LINGO2: variants seen among roughly 807,000 people sequenced by gnomAD.
The protein encoded by LINGO2 is leucine rich repeat and Ig domain containing 2, also known as leucine-rich repeat and immunoglobulin-like domain-containing nogo receptor-interacting protein 2.
LINGO2 carries 14 observed loss-of-function variants against 30.6 expected under a neutral mutation model. The observed-to-expected ratio is 0.46, with a 90% CI of 0.30 to 0.72. The LOEUF (loss-of-function observed/expected upper bound fraction) is 0.72, where lower values mean the gene tolerates loss of function less well. Ranked by LOEUF, LINGO2 falls within the 30% of genes least tolerant of loss-of-function variation. The pLI, the probability that LINGO2 is intolerant of heterozygous loss-of-function variation, is 0.07. For synonymous variants in LINGO2, 317 were observed against 288.5 expected (o/e 1.10, Z -1.00); for missense variants, 729 against 751.7 (o/e 0.97, Z 0.35).
chr9:28,551,843 C>G, intron 1 of LINGO2, among the ~76,000 whole-genome samples: 1 of 152,012 alleles, frequency 6.6e-6, no homozygotes, highest in East Asian at 1.9e-4. Flanking sequence ...TGTCCTCAGC[C>G]TCTCATCATT....
At chr9:28,782,949 C>G in the LINGO2 span, among the ~76,000 whole-genome samples, 1 of 152,132 alleles carries the variant, frequency 6.6e-6, no homozygotes, top group Non-Finnish European at 1.5e-5. Context: ...CAAACCTGTA[C>G]AGGGTGTTAC....
intron 1 of LINGO2, among the ~76,000 whole-genome samples, chr9:28,526,239 GT>G (rs956506513): frequency 6.6e-6 from 1 of 151,920 alleles, no homozygotes; most frequent in Non-Finnish European, 1.5e-5. Flanking sequence ...ATCAAGACAC[GT>G]CCTAATAAAA....
chr9:28,560,336 T>C (rs1822981313), intron 1 of LINGO2, among the ~76,000 whole-genome samples: 1 of 152,022 alleles, frequency 6.6e-6, no homozygotes, highest in Non-Finnish European at 1.5e-5. Context: ...ATCTAATCAG[T>C]TGAAGGATTA....
chr9:29,189,306 C>T, the LINGO2 span, among the ~76,000 whole-genome samples: 1 of 151,376 alleles, frequency 6.6e-6, no homozygotes, highest in Non-Finnish European at 1.5e-5. Context: ...GGGGTGGCTG[C>T]CGGGCGGAGA....
chr9:28,673,656 G>A (rs1358886668), upstream of LINGO2, among the ~76,000 whole-genome samples: 1 of 142,992 alleles, frequency 7.0e-6, no homozygotes, highest in African/African-American at 2.6e-5. Flanking sequence ...AACAGAGTGA[G>A]ACTCTGTCTC....
At chr9:28,106,690 T>A (rs917261142) in intron 4 of LINGO2, among the ~76,000 whole-genome samples, 2 of 152,144 alleles carry the variant, frequency 1.3e-5, no homozygotes, top group Non-Finnish European at 1.5e-5. Context: ...CCACAGTGTT[T>A]TAAAATCCTA....
intron 1 of LINGO2, among the ~76,000 whole-genome samples, chr9:28,503,845 A>G (rs1819991589): frequency 6.6e-6 from 1 of 151,884 alleles, no homozygotes; most frequent in Admixed American, 6.6e-5. Context: ...AAATCAGAGA[A>G]AAAAGATACG....
chr9:28,265,194 C>T (rs1310632802), intron 4 of LINGO2, among the ~76,000 whole-genome samples: 7 of 151,884 alleles, frequency 4.6e-5, no homozygotes, highest in Admixed American at 4.6e-4. Flanking sequence ...CACACGCACA[C>T]ACTCATATAT....
the LINGO2 span, among the ~76,000 whole-genome samples, chr9:28,762,799 C>T: frequency 4.6e-5 from 7 of 151,932 alleles, no homozygotes; most frequent in African/African-American, 1.5e-4. Context: ...CCTTCCTTGC[C>T]CCAATACCTT....
Position 28,130,197 on chromosome 9 carries a change from C to A in LINGO2, c.-86-117792G>T, listed in dbSNP as rs914893590. On this transcript the variant is annotated intron_variant, in intron 4 of 5. Coordinates refer to ENST00000379992, the Ensembl canonical transcript of LINGO2. This position sits in a 1 kb window ranked among gnomAD's most constrained non-coding sequence, Gnocchi z 5.2. ...TTAACCACTGGTTTGAACTCTAGAC[C>A]CTCTAAAATAGACCTTAACACACTT... Among the ~76,000 whole-genome samples the A allele has an allele frequency of 2.0e-5, 3 of 152,098 alleles. No homozygotes were observed. Among genetic ancestry groups the A allele is most frequent in the Admixed American group, 6.5e-5 (1 of 15,284 alleles).
At chr9:28,718,853 T>C in the LINGO2 span, among the ~76,000 whole-genome samples, 1 of 151,986 alleles carries the variant, frequency 6.6e-6, no homozygotes, top group Non-Finnish European at 1.5e-5. Context: ...CCTGAAAAAA[T>C]TAAATAGTAG....
chr9:28,679,210 A>G, the LINGO2 span, among the ~76,000 whole-genome samples: 1 of 152,070 alleles, frequency 6.6e-6, no homozygotes, highest in African/African-American at 2.4e-5. Context: ...ACTTTCAGAA[A>G]AAAAATTCTA....
At chr9:28,740,173 G>A in the LINGO2 span, among the ~76,000 whole-genome samples, 6 of 151,568 alleles carry the variant, frequency 4.0e-5, no homozygotes, top group Admixed American at 1.3e-4. Flanking sequence ...TTATGGACTA[G>A]TGTATGATCA....
chr9:28,198,249 G>GA (rs11452546), intron 4 of LINGO2, among the ~76,000 whole-genome samples: 49,563 of 144,956 alleles, frequency 0.34, 9,329 homozygotes, highest in East Asian at 0.49. Flanking sequence ...GGACAAATAT[G>GA]AAAAAAAAAA....
chr9:28,357,718 T>C (rs1053587885), intron 3 of LINGO2, among the ~76,000 whole-genome samples: 3 of 152,142 alleles, frequency 2.0e-5, no homozygotes, highest in Non-Finnish European at 4.4e-5. Flanking sequence ...TTCTATAGAA[T>C]CACTAACAGG....
chr9:28,163,950 T>C (rs1462894139), intron 4 of LINGO2, among the ~76,000 whole-genome samples: 1 of 152,180 alleles, frequency 6.6e-6, no homozygotes, highest in Non-Finnish European at 1.5e-5. Context: ...GTAACATTGA[T>C]CAAGATGTAA....
chr9:28,707,680 A>G, the LINGO2 span, among the ~76,000 whole-genome samples: 2 of 152,070 alleles, frequency 1.3e-5, no homozygotes, highest in Admixed American at 6.6e-5. Flanking sequence ...ACTCTCCCCA[A>G]TCATGAGATG....
chr9:28,928,585 C>T, the LINGO2 span, among the ~76,000 whole-genome samples: 1 of 152,044 alleles, frequency 6.6e-6, no homozygotes, highest in Admixed American at 6.6e-5. Flanking sequence ...CATTTCCCTG[C>T]TAAATGAAAC....
intron 1 of LINGO2, among the ~76,000 whole-genome samples, chr9:28,662,433 C>T (rs1828619286): frequency 6.6e-6 from 1 of 152,242 alleles, no homozygotes; most frequent in East Asian, 1.9e-4. Context: ...CCTTTACAGT[C>T]CCACCTCCTC....
Sources: gnomAD v4.1 joint callset for allele counts (sites outside exome capture counted in the v4.1 genomes callset) on GRCh38, gnomAD v4.1.1 for gene constraint, Gnocchi (gnomAD v3.1) non-coding constraint, MANE v1.5 for transcripts, NCBI Gene and HGNC (gene_info 2026-07-23, HGNC 2026-07-21) for gene names.